LAMA2: variants seen among roughly 807,000 people sequenced by gnomAD.
LAMA2 encodes laminin subunit alpha-2.
A neutral mutation model predicts 364.8 loss-of-function variants in LAMA2; 269 were observed. The observed-to-expected ratio is 0.74, with a 90% CI of 0.67 to 0.82. The LOEUF (loss-of-function observed/expected upper bound fraction) is 0.82, where lower values mean the gene tolerates loss of function less well. Ranked by LOEUF, LAMA2 falls within the 40% of genes least tolerant of loss-of-function variation. The probability of loss-of-function intolerance (pLI) is 0.00; values close to 1 mark genes in which losing one functional copy is unlikely to be tolerated. For synonymous variants in LAMA2, 1,379 were observed against 1,370.6 expected (o/e 1.01, Z -0.14); for missense variants, 3,807 against 3,873.2 (o/e 0.98, Z 0.45).
intron 58 of LAMA2, among the ~76,000 whole-genome samples, 198 bp from the exon 59 acceptor site, chr6:129,502,459 GGT>G (rs1165106913): frequency 6.6e-6 from 1 of 152,056 alleles, no homozygotes; most frequent in East Asian, 1.9e-4. Context: ...GCCATTCCAG[GGT>G]GTGATATGAG....
rs1466409364 is a variant in LAMA2 at position 129,206,033 on chromosome 6, GAA to G, written c.1782+13182_1782+13183del. ...CTGAGACTCCATCTCAAAAAAAAAAGAAAGGAAAAGAAAAAAAGGAAGGGAAG... is the reference window on the plus strand; with the variant it reads ...CTGAGACTCCATCTCAAAAAAAAAAGAGGAAAAGAAAAAAAGGAAGGGAAG... On this transcript the variant is annotated intron_variant, in intron 12 of 64. Transcript: ENST00000421865. 6.4e-4 allele frequency among the ~76,000 whole-genome samples: 71 copies of G among 110,780 alleles called. 1 individual carries two copies. The East Asian group carries it at 0.02, about 32-fold the overall frequency. 72.7% of individuals were successfully genotyped at this position (110,780 alleles called of 152,430 possible).
intron 32 of LAMA2, among the ~76,000 whole-genome samples, chr6:129,363,284 G>A (rs901191723): frequency 2.6e-5 from 4 of 152,102 alleles, no homozygotes; most frequent in Non-Finnish European, 5.9e-5. Flanking sequence ...AGCATGGGTG[G>A]CAGAGCAAGA....
intron 1 of LAMA2, among the ~76,000 whole-genome samples, chr6:129,033,177 G>A (rs1284918923): frequency 6.6e-6 from 1 of 151,072 alleles, no homozygotes; most frequent in Non-Finnish European, 1.5e-5. Context: ...ATAAGAAAAT[G>A]ATCCAGGATT....
At position 129,315,916 on chromosome 6, in the gene LAMA2, G is replaced by A; in HGVS notation, c.3890G>A (p.Gly1297Asp). Residue 1297 changes from glycine to aspartate, a missense_variant, in exon 26 of 65, where the codon GGC becomes GAC. Around this residue, in one of 3 missense-constraint regions of LAMA2, gnomAD observed 3,333 missense variants for 3,345.7 expected, o/e 1.00. Transcript: ENST00000421865. ...AGGCATATGGCTGCTCCTCTGATTG[G>A]CCAATTGACAAGGCATGAAATTGAA... The part of the protein sequence containing the change: ...IVRHMAAPLI[G>D]QLTRHEIEMT... 1 of 1,613,996 alleles carries A rather than the reference G, an allele frequency of 6.2e-7. No homozygotes were observed.
rs781424807 is a variant in LAMA2, at chr6:129,177,850, G to T, written c.1451G>T (p.Gly484Val). 11 of 1,613,888 alleles carry T rather than the reference G, an allele frequency of 6.8e-6. No individual in the cohort carries two copies. The highest frequency in any genetic ancestry group is 7.6e-6 in the Non-Finnish European group (9 of 1,179,886). The part of the protein sequence containing the change: ...LGSKNEDPCF[G>V]PCICKENVEG... ...AGCAAAAATGAGGATCCTTGTTTTGGCCCCTGTATCTGCAAGGTACATTGT... is the reference window on the plus strand; with the variant it reads ...AGCAAAAATGAGGATCCTTGTTTTGTCCCCTGTATCTGCAAGGTACATTGT... The change falls in exon 10 of 65, where the codon GGC (glycine) becomes GTC (valine). Residue 484 changes from glycine to valine, a missense_variant. Gly to Val is a moderately radical substitution (Grantham distance 109). Transcript: ENST00000421865.
At position 129,349,379 on chromosome 6, in the gene LAMA2, T is replaced by C. The variant is rs2114584848; in HGVS notation, c.4518T>C (p.Cys1506=). 6.2e-7 allele frequency: 1 copy of C among 1,612,400 alleles called. No individual in the cohort carries two copies. Among genetic ancestry groups the C allele is most frequent in the South Asian group, 1.1e-5 (1 of 91,058 alleles). The change falls in exon 31 of 65, where the codon TGT becomes TGC. Residue 1506 remains cysteine, a synonymous_variant. Coordinates refer to ENST00000421865, the MANE Select transcript of LAMA2 (RefSeq NM_000426.4). Reference sequence around the variant, plus strand: ...CACGGGGATATGAAGGCCAGTACTGTGAAAGGTACCAACAGCCATGAAACG... The same window carrying C: ...CACGGGGATATGAAGGCCAGTACTGCGAAAGGTACCAACAGCCATGAAACG... The part of the protein sequence containing the change: ...ACPRGYEGQY[C]ERCAPGYTGS...
intron 42 of LAMA2, among the ~76,000 whole-genome samples, 182 bp downstream of exon 42, chr6:129,438,944 G>A (rs1480812495): frequency 6.6e-6 from 1 of 151,720 alleles, no homozygotes; most frequent in African/African-American, 2.4e-5. Context: ...TTGCATTATG[G>A]TATTTTTTAT....
chr6:129,332,275 A>G (rs1175913926), intron 29 of LAMA2, among the ~76,000 whole-genome samples: 2 of 152,176 alleles, frequency 1.3e-5, no homozygotes, highest in Non-Finnish European at 2.9e-5. Flanking sequence ...TTTCCCCTTG[A>G]TACATTATTG....
chr6:129,330,173 GTAA>G (rs1409253985), intron 29 of LAMA2, among the ~76,000 whole-genome samples: 2 of 151,724 alleles, frequency 1.3e-5, no homozygotes, highest in Admixed American at 6.6e-5. Flanking sequence ...ATATTACAAT[GTAA>G]TAATAATAGA....
intron 51 of LAMA2, among the ~76,000 whole-genome samples, chr6:129,469,617 A>G (rs116381602): frequency 1.3e-3 from 200 of 151,974 alleles, no homozygotes; most frequent in African/African-American, 4.6e-3. Context: ...AAGAAAGCAT[A>G]TTTTTTATAG....
chr6:129,200,111 CGTATATATATGTGT>C (rs1782107312), intron 12 of LAMA2, among the ~76,000 whole-genome samples: 1 of 115,230 alleles, frequency 8.7e-6, no homozygotes, highest in Non-Finnish European at 1.8e-5. Context: ...TATGTGTACA[CGTATATATATGTGT>C]ATATATATAC....
chr6:128,954,883 A>G (rs1418254400), intron 1 of LAMA2, among the ~76,000 whole-genome samples: 2 of 151,854 alleles, frequency 1.3e-5, no homozygotes, highest in Non-Finnish European at 2.9e-5. Context: ...AACTCCCCAT[A>G]TATATGTAAA....
chr6:129,309,516 T>C (rs1774079050), intron 22 of LAMA2, among the ~76,000 whole-genome samples: 3 of 152,250 alleles, frequency 2.0e-5, no homozygotes, highest in Non-Finnish European at 4.4e-5. Flanking sequence ...CACAGGATAA[T>C]TTAAATTTAT....
chr6:129,113,199 G>A lies in LAMA2; in HGVS notation c.639+14784G>A, dbSNP rs546719410. 1.2e-4 allele frequency among the ~76,000 whole-genome samples: 19 copies of A among 152,120 alleles called. No homozygotes were observed. The East Asian group carries it at 3.7e-3, about 29-fold the overall frequency. The stretch of plus-strand genomic sequence containing the variant: ...TGGGAGGGTCACTCTTTAACATGAG[G>A]GGCTCTGTCACTAGAATTGCAGTGT... On this transcript the variant is annotated intron_variant, in intron 4 of 64. Coordinates refer to ENST00000421865, the MANE Select transcript of LAMA2 (RefSeq NM_000426.4).
Position 129,516,365 on chromosome 6 carries a change from C to A in LAMA2, c.*18C>A, listed in dbSNP as rs1787080298. The A allele has an allele frequency of 1.9e-6, 3 of 1,612,020 alleles. No homozygotes were observed. The African/African-American group carries it at 4.0e-5, about 22-fold the overall frequency. Reference sequence around the variant, plus strand: ...CCAACTAATAAAAATAAGTGTAACCCCAGGAAGAGTCTGTCAAAACAAGTA... The same window carrying A: ...CCAACTAATAAAAATAAGTGTAACCACAGGAAGAGTCTGTCAAAACAAGTA... On this transcript the variant is annotated 3_prime_UTR_variant, in exon 65 of 65. Transcript: ENST00000421865.
At chr6:128,989,091 C>T (rs1783446277) in intron 1 of LAMA2, among the ~76,000 whole-genome samples, 1 of 152,140 alleles carries the variant, frequency 6.6e-6, no homozygotes, top group Non-Finnish European at 1.5e-5. Flanking sequence ...AGTCTGCCTT[C>T]TCTAATTCTG....
At chr6:128,905,212 G>C (rs562092909) in intron 1 of LAMA2, among the ~76,000 whole-genome samples, 279 of 152,182 alleles carry the variant, frequency 1.8e-3, no homozygotes, top group African/African-American at 6.4e-3. Context: ...CTTCTACTTA[G>C]AGCCCTGACC....
chr6:129,262,459 G>A (rs879918337), intron 15 of LAMA2, among the ~76,000 whole-genome samples: 1 of 151,870 alleles, frequency 6.6e-6, no homozygotes, highest in Non-Finnish European at 1.5e-5. Context: ...CTAAATAATG[G>A]TAACAGATAG....
chr6:129,320,494 A>C, intron 27 of LAMA2, 44 bp from the exon 28 acceptor site: 1 of 1,138,078 alleles, frequency 8.8e-7, no homozygotes, highest in South Asian at 1.2e-5. Context: ...AGGTGATCTT[A>C]ACTGACTGTC....
Sources: gnomAD v4.1 joint callset for allele counts (sites outside exome capture counted in the v4.1 genomes callset) on GRCh38, gnomAD v4.1.1 for gene constraint, gnomAD v4.1.1 regional missense constraint, MANE v1.5 for transcripts, NCBI Gene and HGNC (gene_info 2026-07-23, HGNC 2026-07-21) for gene names.